The following ABCB5 variants were observed in gnomAD, a reference collection of about 807,000 sequenced individuals.
The protein encoded by ABCB5 is ATP binding cassette subfamily B member 5, also known as ATP-binding cassette sub-family B member 5.
In ABCB5, 155 loss-of-function variants were observed where a neutral mutation model predicts 144.2. That is an observed-to-expected ratio of 1.08 (90% CI 0.94 to 1.23). The LOEUF (loss-of-function observed/expected upper bound fraction) is 1.23, where lower values mean the gene tolerates loss of function less well. Among genes scored for constraint, ABCB5 ranks in the 50% most tolerant of loss-of-function variants. The pLI is 0.00. For missense variants in ABCB5, 1,830 were observed against 1,520.8 expected (o/e 1.20, Z -3.38); for synonymous variants, 610 against 528.6 (o/e 1.15, Z -2.11).
chr7:20,626,470 T>C (rs1783911657), intron 2 of ABCB5, 87 bp from the exon 3 acceptor site: 2 of 1,157,034 alleles, frequency 1.7e-6, no homozygotes, highest in East Asian at 2.7e-5. Flanking sequence ...CAAGGTGATA[T>C]CTGACACTTC....
In ABCB5 at chr7:20,643,499, T is replaced by C. The variant is rs569006123; in HGVS notation, c.545T>C (p.Ile182Thr). ...ATCAGTGATGGTATTGGAGATAAGATTGCTCTGTTGTTTCAAAACATGTCT... is the reference window on the plus strand; with the variant it reads ...ATCAGTGATGGTATTGGAGATAAGACTGCTCTGTTGTTTCAAAACATGTCT... ...DKISDGIGDK[I>T]ALLFQNMSTF... The change falls in exon 7 of 28, where the codon ATT (isoleucine) becomes ACT (threonine). Residue 182 changes from isoleucine (I) to threonine (T), a missense_variant. Coordinates refer to ENST00000404938, the MANE Select transcript of ABCB5 (RefSeq NM_001163941.2). 28 of 1,614,058 alleles carry C rather than the reference T, an allele frequency of 1.7e-5. No homozygotes were observed. The Admixed American group carries it at 2.0e-4, about 12-fold the overall frequency.
intron 14 of ABCB5, chr7:20,658,941 T>A: frequency 9.0e-7 from 1 of 1,105,442 alleles, no homozygotes; most frequent in Non-Finnish European, 1.4e-6. Flanking sequence ...CCATTCCAAG[T>A]GGTTTGCACT....
intron 1 of ABCB5, among the ~76,000 whole-genome samples, chr7:20,621,327 T>C (rs1783801490): frequency 1.3e-5 from 2 of 152,124 alleles, no homozygotes; most frequent in South Asian, 4.1e-4. Flanking sequence ...TTATACAACA[T>C]TGAGTATGCA....
chr7:20,717,187 G>C (rs1562576482), intron 20 of ABCB5, among the ~76,000 whole-genome samples: 1 of 150,094 alleles, frequency 6.7e-6, no homozygotes, highest in East Asian at 1.9e-4. Context: ...ACTTATGGTG[G>C]GGGGTGGGAG....
chr7:20,651,333 T>C (rs1361336816), intron 12 of ABCB5, 87 bp from the exon 13 acceptor site: 2 of 1,179,356 alleles, frequency 1.7e-6, no homozygotes, highest in Non-Finnish European at 2.5e-6. Flanking sequence ...ATGCTACTTC[T>C]CAGCTTATAT....
At chr7:20,632,308 T>C (rs1175821338) in intron 5 of ABCB5, among the ~76,000 whole-genome samples, 195 bp downstream of exon 5, 1 of 152,176 alleles carries the variant, frequency 6.6e-6, no homozygotes, top group African/African-American at 2.4e-5. Flanking sequence ...GAAAGGTGTA[T>C]AGGTCATATG....
chr7:20,740,141 G>A lies in ABCB5; in HGVS notation c.3024+1002G>A, dbSNP rs542607242. The stretch of plus-strand genomic sequence containing the variant: ...TGTAGTCCCAGCTACTCGGGAGGGC[G>A]AGACAGGAGAATCGCTTGAACCCGG... On this transcript the variant is annotated intron_variant, in intron 24 of 27. Transcript: ENST00000404938. Among the ~76,000 whole-genome samples the A allele has an allele frequency of 2.6e-3, 397 of 152,298 alleles. 1 individual carries two copies. The highest frequency in any genetic ancestry group is 9.0e-3 in the African/African-American group (375 of 41,572).
intron 16 of ABCB5, among the ~76,000 whole-genome samples, chr7:20,694,915 A>G (rs773483905): frequency 3.3e-5 from 5 of 152,018 alleles, no homozygotes; most frequent in Admixed American, 1.3e-4. Flanking sequence ...ACTGCAATCT[A>G]TAAAATATTA....
At chr7:20,647,823 T>G in intron 10 of ABCB5, 145 bp from the exon 11 acceptor site, 3 of 1,168,828 alleles carry the variant, frequency 2.6e-6, no homozygotes, top group Non-Finnish European at 3.6e-6. Flanking sequence ...TGTGTTGTAT[T>G]GAAACCTTCA....
chr7:20,714,440 G>A (rs757783101), intron 20 of ABCB5, among the ~76,000 whole-genome samples: 20 of 151,798 alleles, frequency 1.3e-4, no homozygotes, highest in Non-Finnish European at 2.4e-4. Flanking sequence ...ATTCTTTCCA[G>A]AGGTACACTA....
In ABCB5 at chr7:20,659,137, T is replaced by C. The variant is rs1351117148; in HGVS notation, c.1707+461T>C. 2.5e-6 allele frequency: 4 copies of C among 1,613,814 alleles called. No individual in the cohort carries two copies. In the African/African-American group the frequency reaches 5.3e-5, roughly 22 times the overall value. Reference sequence around the variant, plus strand: ...AATCGCTGACCTTGAACCAGCGCCCTTCGACAGCTCTGGCCCCTCAAACCT... The same window carrying C: ...AATCGCTGACCTTGAACCAGCGCCCCTCGACAGCTCTGGCCCCTCAAACCT... On this transcript the variant is annotated intron_variant, in intron 14 of 27. Transcript: ENST00000404938.
chr7:20,631,780 G>A (rs1191915724), intron 4 of ABCB5, among the ~76,000 whole-genome samples: 2 of 152,092 alleles, frequency 1.3e-5, no homozygotes, highest in African/African-American at 4.8e-5. Context: ...CCTGATTGTT[G>A]TCTGATCAGA....
chr7:20,720,475 C>G (rs893762170), intron 20 of ABCB5, among the ~76,000 whole-genome samples: 1 of 152,072 alleles, frequency 6.6e-6, no homozygotes, highest in African/African-American at 2.4e-5. Context: ...TGGAATGGGA[C>G]CAATCAAAAC....
At chr7:20,618,764 CTTTTTTTTTTT>C (rs59970398) in intron 1 of ABCB5, among the ~76,000 whole-genome samples, 1 of 51,544 alleles carries the variant, frequency 1.9e-5, no homozygotes, top group African/African-American at 7.6e-5. Context: ...GCTGCATTTT[CTTTTTTTTTTT>C]TTTTTTTTTT....
At chr7:20,731,289 G>C (rs1216638861) in intron 23 of ABCB5, among the ~76,000 whole-genome samples, 2 of 149,382 alleles carry the variant, frequency 1.3e-5, no homozygotes, top group African/African-American at 5.0e-5. Flanking sequence ...GGAGGTGGAG[G>C]TTGCAGTGAG....
intron 13 of ABCB5, among the ~76,000 whole-genome samples, chr7:20,652,497 G>C (rs1007704785): frequency 6.6e-6 from 1 of 152,222 alleles, no homozygotes; most frequent in East Asian, 1.9e-4. Context: ...TTGAACCTGG[G>C]AGGTGGAGAT....
chr7:20,674,814 A>T (rs1785553947), intron 14 of ABCB5, among the ~76,000 whole-genome samples: 1 of 151,402 alleles, frequency 6.6e-6, no homozygotes, highest in Non-Finnish European at 1.5e-5. Context: ...TGAATTCAGT[A>T]AGGTTGCAGG....
intron 3 of ABCB5, among the ~76,000 whole-genome samples, chr7:20,628,110 C>T (rs1336357590): frequency 2.0e-5 from 3 of 152,112 alleles, no homozygotes; most frequent in Non-Finnish European, 4.4e-5. Context: ...CTGCACCTAT[C>T]AACTTGACAT....
At chr7:20,618,484 G>A (rs1783734153) in intron 1 of ABCB5, among the ~76,000 whole-genome samples, 1 of 152,108 alleles carries the variant, frequency 6.6e-6, no homozygotes, top group African/African-American at 2.4e-5. Flanking sequence ...TGACACTGAG[G>A]ATTGAGGTGT....
Sources: allele counts gnomAD v4.1 joint callset (sites outside exome capture counted in the v4.1 genomes callset), GRCh38; gene constraint gnomAD v4.1.1; transcripts MANE v1.5; gene names NCBI Gene and HGNC (gene_info 2026-07-23, HGNC 2026-07-21).